The following THADA variants were observed in gnomAD, a reference collection of about 807,000 sequenced individuals.
THADA encodes THADA armadillo repeat containing.
Under a neutral mutation model 219.8 loss-of-function variants are expected in THADA, and 213 were observed. That is an observed-to-expected ratio of 0.97 (90% CI 0.87 to 1.09). The LOEUF (loss-of-function observed/expected upper bound fraction) is 1.09, where lower values mean the gene tolerates loss of function less well. Ranked by LOEUF, THADA falls within the 50% of genes least tolerant of loss-of-function variation. The pLI is 0.00. For synonymous variants in THADA, 1,018 were observed against 828.9 expected, an observed-to-expected ratio of 1.23 and a Z score of -3.92; for missense variants, 2,956 against 2,311.3, an observed-to-expected ratio of 1.28 and a Z score of -5.72.
chr2:43,396,252 C>T (rs895131966), intron 29 of THADA, among the ~76,000 whole-genome samples: 3 of 152,198 alleles, frequency 2.0e-5, no homozygotes, highest in African/African-American at 7.2e-5. Flanking sequence ...GCATGGGAGA[C>T]TCCTTCCCTT....
At chr2:43,584,936 G>A (rs1398458806) in intron 7 of THADA, among the ~76,000 whole-genome samples, 2 of 152,162 alleles carry the variant, frequency 1.3e-5, no homozygotes, top group Non-Finnish European at 2.9e-5. Flanking sequence ...ACAAAAAGGA[G>A]AATTAGGTAA....
intron 22 of THADA, among the ~76,000 whole-genome samples, chr2:43,524,721 T>C (rs927119417): frequency 1.3e-5 from 2 of 152,244 alleles, no homozygotes; most frequent in East Asian, 1.9e-4. Context: ...AAGAACTACT[T>C]GGTTTGAAAG....
intron 29 of THADA, among the ~76,000 whole-genome samples, chr2:43,346,586 C>T (rs1019224144): frequency 1.3e-5 from 2 of 152,164 alleles, no homozygotes; most frequent in African/African-American, 4.8e-5. Context: ...GCTGCCAGAA[C>T]CAAGGAGGAT....
chr2:43,577,233 C>A lies in THADA; in HGVS notation c.826G>T (p.Val276Leu). 6.3e-7 allele frequency: 1 copy of A among 1,586,096 alleles called. No homozygotes were observed. The highest frequency in any genetic ancestry group is 2.3e-5 in the East Asian group (1 of 43,628). ...GTGCAGTCCACTGAACGAAGCAGCA[C>A]ACTGCTAATCTGGAAAAATATAGCA... is the stretch of plus-strand genomic sequence containing the variant. Reference protein sequence around the residue: ...SEKIPHLISSVLLRSVDCTSV... With the variant: ...SEKIPHLISSLLLRSVDCTSV... Residue 276 changes from valine to leucine, a missense_variant, in exon 10 of 38, where the codon GTG (valine) becomes TTG (leucine). By Grantham distance (32) the Val-to-Leu change is conservative. Coordinates refer to ENST00000405975, the MANE Select transcript of THADA (RefSeq NM_022065.5).
intron 36 of THADA, among the ~76,000 whole-genome samples, chr2:43,270,329 C>T (rs975981274): frequency 6.6e-6 from 1 of 152,190 alleles, no homozygotes; most frequent in Admixed American, 6.5e-5. Context: ...AGAACAGGAA[C>T]AGCAGCAGCC....
intron 17 of THADA, among the ~76,000 whole-genome samples, chr2:43,554,301 GA>G (rs1558961524): frequency 4.6e-5 from 7 of 152,098 alleles, no homozygotes. Flanking sequence ...ATAAGGTAGT[GA>G]ATCTAATTTC....
rs191790766 is a variant in THADA, at chr2:43,553,898, T to C, written c.2675-1559A>G. 9.8e-5 allele frequency among the ~76,000 whole-genome samples: 15 copies of C among 152,364 alleles called. No individual in the cohort carries two copies. The East Asian group carries it at 2.7e-3, about 27-fold the overall frequency. ...TGTTGAGCACTTTTTAATGTGCTCATTGTTCATGTGTATATCTTCTTTGGA... is the reference window on the plus strand; with the variant it reads ...TGTTGAGCACTTTTTAATGTGCTCACTGTTCATGTGTATATCTTCTTTGGA... On this transcript the variant is annotated intron_variant, in intron 17 of 37. Coordinates refer to ENST00000405975, the MANE Select transcript of THADA (RefSeq NM_022065.5).
intron 31 of THADA, among the ~76,000 whole-genome samples, chr2:43,301,346 G>A (rs375266614): frequency 6.6e-6 from 1 of 152,190 alleles, no homozygotes; most frequent in Non-Finnish European, 1.5e-5. Flanking sequence ...GAACGAATAC[G>A]CACTATGAAT....
At chr2:43,419,346 A>T (rs1307176190) in intron 28 of THADA, among the ~76,000 whole-genome samples, 2 of 152,224 alleles carry the variant, frequency 1.3e-5, no homozygotes, top group Non-Finnish European at 2.9e-5. Context: ...TGAGGAAGGA[A>T]AAAGTAAAAG....
At position 43,572,877 on chromosome 2, in the gene THADA, A is replaced by G; in HGVS notation, c.1845T>C (p.Asp615=). The G allele has an allele frequency of 6.2e-7, 1 of 1,613,958 alleles. No individual in the cohort carries two copies. The highest frequency in any genetic ancestry group is 1.1e-5 in the South Asian group (1 of 91,080). ...CATCAGACACGAGGTTCTCCCAGGT[A>G]TCAGTTGCAGACTGAAGATGTCCAT... ...RAHGHLQSAT[D]TWENLVSDAR... is the part of the protein sequence containing the mutation. The change falls in exon 12 of 38, where the codon GAT becomes GAC. Residue 615 remains aspartate (D), a synonymous_variant. Coordinates refer to ENST00000405975, the MANE Select transcript of THADA (RefSeq NM_022065.5).
rs115987720 is a variant in THADA at position 43,252,818 on chromosome 2, G to C, written c.5297-19936C>G. On this transcript the variant is annotated intron_variant, in intron 36 of 37. Transcript: ENST00000405975. ...CTACTTTGAGCCACCAATTCCAGCTGAGTAGCGGCAGTCTGCTGATGAAGC... is the reference window on the plus strand; with the variant it reads ...CTACTTTGAGCCACCAATTCCAGCTCAGTAGCGGCAGTCTGCTGATGAAGC... 7.2e-3 allele frequency among the ~76,000 whole-genome samples: 1,100 copies of C among 152,314 alleles called. 8 individuals are homozygous for C. Among genetic ancestry groups the C allele is most frequent in the Middle Eastern group, 0.02 (6 of 294 alleles).
chr2:43,323,080 T>A (rs1350902872), intron 30 of THADA, among the ~76,000 whole-genome samples: 1 of 152,204 alleles, frequency 6.6e-6, no homozygotes, highest in African/African-American at 2.4e-5. Context: ...TTTTCACTAA[T>A]ATGTTTTGGA....
At chr2:43,438,027 C>T (rs1006654131) in intron 26 of THADA, among the ~76,000 whole-genome samples, 4 of 152,116 alleles carry the variant, frequency 2.6e-5, no homozygotes, top group Middle Eastern at 6.8e-3. Context: ...GATGGCCAGG[C>T]GCGGTGGCTC....
intron 14 of THADA, among the ~76,000 whole-genome samples, chr2:43,567,353 G>A (rs1187411379): frequency 6.6e-6 from 1 of 152,188 alleles, no homozygotes; most frequent in Non-Finnish European, 1.5e-5. Flanking sequence ...ACAAGGGCCA[G>A]GCGTGGTGGC....
intron 31 of THADA, among the ~76,000 whole-genome samples, chr2:43,310,575 T>C (rs2104436025): frequency 6.6e-6 from 1 of 152,268 alleles, no homozygotes; most frequent in South Asian, 2.1e-4. Context: ...GTACCTCCTA[T>C]CAGATATAAA....
chr2:43,415,620 G>T (rs574957432), intron 28 of THADA, among the ~76,000 whole-genome samples: 2 of 152,244 alleles, frequency 1.3e-5, no homozygotes, highest in East Asian at 1.9e-4. Context: ...GGCCAGGGTG[G>T]GTGGCCAATT....
chr2:43,574,985 T>C lies in THADA; in HGVS notation c.1080A>G (p.Leu360=), dbSNP rs1445762223. The C allele has an allele frequency of 6.2e-7, 1 of 1,613,714 alleles. No individual in the cohort carries two copies. The highest frequency in any genetic ancestry group is 1.3e-5 in the African/African-American group (1 of 74,924). ...GTATGGCTGAATTAGTCCAGGATGC[T>C]AAGATTCTAGACAGAAACATTTCCA... The part of the protein sequence containing the change: ...PTLEMFLSRI[L]ASWTNSAIQV... Residue 360 remains leucine (L), a synonymous_variant, in exon 11 of 38, where the codon TTA becomes TTG. Transcript: ENST00000405975.
intron 26 of THADA, among the ~76,000 whole-genome samples, chr2:43,464,992 G>A (rs1429378232): frequency 6.6e-6 from 1 of 152,020 alleles, no homozygotes; most frequent in Non-Finnish European, 1.5e-5. Context: ...CAGAATTGAA[G>A]ATAAAAGCTG....
intron 36 of THADA, among the ~76,000 whole-genome samples, chr2:43,274,998 C>CTTTTTT: frequency 1.5e-5 from 1 of 66,320 alleles, no homozygotes; most frequent in African/African-American, 4.8e-5. Context: ...CTTTTCTTTT[C>CTTTTTT]TTTTTTTTTT....
Sources: allele counts gnomAD v4.1 joint callset (sites outside exome capture counted in the v4.1 genomes callset), GRCh38; gene constraint gnomAD v4.1.1; transcripts MANE v1.5; gene names NCBI Gene and HGNC (gene_info 2026-07-23, HGNC 2026-07-21).